CADPS2: variants seen among roughly 807,000 people sequenced by gnomAD.
The protein encoded by CADPS2 is calcium dependent secretion activator 2, also known as calcium-dependent secretion activator 2.
A neutral mutation model predicts 172.5 loss-of-function variants in CADPS2; 93 were observed. The observed-to-expected ratio is 0.54, with a 90% CI of 0.46 to 0.64. The LOEUF is 0.64. Among genes scored for constraint, CADPS2 ranks in the 30% least tolerant of loss-of-function variants. The probability of loss-of-function intolerance (pLI) is 0.00; values close to 1 mark genes in which losing one functional copy is unlikely to be tolerated. For missense variants in CADPS2, 1,420 were observed against 1,565.9 expected (o/e 0.91, Z 1.57); for synonymous variants, 546 against 555.2 (o/e 0.98, Z 0.23).
At chr7:122,861,671 ATTT>A (rs1352076873) in intron 1 of CADPS2, among the ~76,000 whole-genome samples, 1 of 152,218 alleles carries the variant, frequency 6.6e-6, no homozygotes, top group Non-Finnish European at 1.5e-5. Context: ...AGAATAGAGG[ATTT>A]TTAATTTTCT....
rs146411575 is a variant in CADPS2, at chr7:122,728,072, T to C, written c.453+8883A>G. Among the ~76,000 whole-genome samples the C allele has an allele frequency of 9.2e-5, 14 of 152,052 alleles. No individual in the cohort carries two copies. In the East Asian group the frequency reaches 2.7e-3, roughly 30 times the overall value. On this transcript the variant is annotated intron_variant, in intron 2 of 29. Coordinates refer to ENST00000449022, the MANE Select transcript of CADPS2 (RefSeq NM_017954.11). The stretch of plus-strand genomic sequence containing the variant: ...AAAATAGGCTTTTTCCAGGGCATTA[T>C]TGCAAAGTTTAAAAGGTATTTAGAC...
intron 1 of CADPS2, among the ~76,000 whole-genome samples, chr7:122,763,682 C>T (rs1472424634): frequency 6.6e-6 from 1 of 152,060 alleles, no homozygotes; most frequent in South Asian, 2.1e-4. Context: ...CGAATAAACC[C>T]AGGAAAGTAA....
intron 27 of CADPS2, among the ~76,000 whole-genome samples, chr7:122,348,415 A>G (rs1483849060): frequency 2.0e-5 from 3 of 152,198 alleles, no homozygotes; most frequent in Non-Finnish European, 4.4e-5. Flanking sequence ...TCCAAGGGAT[A>G]TAATACTGAA....
At chr7:122,388,488 A>G in intron 23 of CADPS2, 95 bp downstream of exon 23, 1 of 1,237,040 alleles carries the variant, frequency 8.1e-7, no homozygotes, top group Non-Finnish European at 1.1e-6. Context: ...GCATAATGAA[A>G]CCTTTGCTGT....
chr7:122,682,123 T>C (rs1216407358), intron 2 of CADPS2, among the ~76,000 whole-genome samples: 1 of 152,216 alleles, frequency 6.6e-6, no homozygotes, highest in Non-Finnish European at 1.5e-5. Context: ...CTTGTACTTA[T>C]GAGACTGAAA....
chr7:122,322,477 T>G (rs1300934335), intron 29 of CADPS2, among the ~76,000 whole-genome samples: 1 of 152,226 alleles, frequency 6.6e-6, no homozygotes, highest in African/African-American at 2.4e-5. Flanking sequence ...GGATGTTCCC[T>G]GTGGCTTCCA....
chr7:122,667,383 T>A (rs189163612), intron 2 of CADPS2, among the ~76,000 whole-genome samples: 102 of 152,294 alleles, frequency 6.7e-4, no homozygotes, highest in African/African-American at 2.5e-3. Flanking sequence ...TTCCACCAAG[T>A]AACCAAATCA....
At chr7:122,408,212 A>G (rs2046893775) in intron 19 of CADPS2, among the ~76,000 whole-genome samples, 1 of 151,892 alleles carries the variant, frequency 6.6e-6, no homozygotes. Context: ...CCCTATTAAA[A>G]TGGCTGTTTT....
chr7:122,376,073 C>A (rs895252155), intron 25 of CADPS2, among the ~76,000 whole-genome samples: 1 of 152,052 alleles, frequency 6.6e-6, no homozygotes, highest in African/African-American at 2.4e-5. Context: ...TTATCAACAA[C>A]CCAAAAGATA....
chr7:122,787,443 A>G (rs961819335), intron 1 of CADPS2, among the ~76,000 whole-genome samples: 1 of 152,226 alleles, frequency 6.6e-6, no homozygotes, highest in Non-Finnish European at 1.5e-5. Context: ...AAGTCCAGAC[A>G]TATTTCACTG....
At chr7:122,710,988 A>C (rs1026406730) in intron 2 of CADPS2, among the ~76,000 whole-genome samples, 1 of 152,144 alleles carries the variant, frequency 6.6e-6, no homozygotes, top group African/African-American at 2.4e-5. Flanking sequence ...CTTTCTCTTC[A>C]AAATATTAAG....
intron 9 of CADPS2, among the ~76,000 whole-genome samples, chr7:122,501,151 A>T (rs192667223): frequency 6.6e-6 from 1 of 152,200 alleles, no homozygotes; most frequent in Admixed American, 6.5e-5. Context: ...GCTACTTGGG[A>T]GGATAAGGTG....
intron 7 of CADPS2, among the ~76,000 whole-genome samples, chr7:122,570,244 AAAG>A (rs1182030439): frequency 1.4e-4 from 22 of 152,208 alleles, no homozygotes; most frequent in Non-Finnish European, 3.1e-4. Flanking sequence ...ACACTTCTCA[AAAG>A]AAGACATTTA....
intron 1 of CADPS2, among the ~76,000 whole-genome samples, chr7:122,773,443 G>A (rs2093766474): frequency 6.6e-6 from 1 of 151,898 alleles, no homozygotes; most frequent in African/African-American, 2.4e-5. Flanking sequence ...TATGAAAATG[G>A]AGACATTGTT....
chr7:122,673,127 C>T (rs890093130), intron 2 of CADPS2, among the ~76,000 whole-genome samples: 2 of 152,190 alleles, frequency 1.3e-5, no homozygotes, highest in African/African-American at 4.8e-5. Context: ...AAGTTGCAGA[C>T]CTTCGCTGTG....
At chr7:122,788,745 T>C (rs750690266) in intron 1 of CADPS2, among the ~76,000 whole-genome samples, 7 of 152,076 alleles carry the variant, frequency 4.6e-5, no homozygotes, top group Non-Finnish European at 7.4e-5. Flanking sequence ...CTTTCCATGA[T>C]TGAGTTTAGG....
intron 2 of CADPS2, among the ~76,000 whole-genome samples, chr7:122,734,597 AATAC>A (rs923412408): frequency 2.6e-5 from 4 of 151,916 alleles, no homozygotes; most frequent in African/African-American, 4.8e-5. Flanking sequence ...TAAAAGTAAT[AATAC>A]ATAAATAAAA....
chr7:122,642,598 AAAAC>A (rs2077793356), intron 3 of CADPS2, among the ~76,000 whole-genome samples: 1 of 151,278 alleles, frequency 6.6e-6, no homozygotes, highest in African/African-American at 2.4e-5. Flanking sequence ...TAGTACTTTA[AAAAC>A]TATGAACATC....
At chr7:122,433,288 T>C (rs956493068) in intron 17 of CADPS2, among the ~76,000 whole-genome samples, 4 of 152,072 alleles carry the variant, frequency 2.6e-5, no homozygotes, top group Admixed American at 6.6e-5. Context: ...CCCTGGAATA[T>C]AACAACATTT....
Sources: gnomAD v4.1 joint callset for allele counts (sites outside exome capture counted in the v4.1 genomes callset) on GRCh38, gnomAD v4.1.1 for gene constraint, MANE v1.5 for transcripts, NCBI Gene and HGNC (gene_info 2026-07-23, HGNC 2026-07-21) for gene names.